Variants in SHTN1 observed in about 807,000 individuals in gnomAD.
SHTN1 encodes shootin-1.
A neutral mutation model predicts 83.1 loss-of-function variants in SHTN1; 42 were observed. The observed-to-expected ratio is 0.51, with a 90% CI of 0.39 to 0.65. SHTN1 has a LOEUF of 0.65. Among genes scored for constraint, SHTN1 ranks in the 30% least tolerant of loss-of-function variants. The pLI, the probability that SHTN1 is intolerant of heterozygous loss-of-function variation, is 0.00. For synonymous variants in SHTN1, 224 were observed against 247.7 expected (o/e 0.90, Z 0.90); for missense variants, 622 against 737.8 (o/e 0.84, Z 1.82).
rs1033579484 is a variant in SHTN1, at chr10:117,098,361, C to A, written c.-189+27946G>T. Among the ~76,000 whole-genome samples the A allele has an allele frequency of 1.8e-4, 27 of 146,054 alleles. No homozygotes were observed. In the Admixed American group the frequency reaches 1.9e-3, roughly 10 times the overall value. ...GCAGTGCGCCGACATCGCGCCACTGCCCTCCAGCCTGGGCGACCGAGGGAC... is the reference window on the plus strand; with the variant it reads ...GCAGTGCGCCGACATCGCGCCACTGACCTCCAGCCTGGGCGACCGAGGGAC... On this transcript the variant is annotated intron_variant, in intron 1 of 17. Coordinates refer to the SHTN1 transcript ENST00000392901.
intron 15 of SHTN1, among the ~76,000 whole-genome samples, chr10:116,902,956 T>C (rs899727119): frequency 9.2e-5 from 14 of 152,314 alleles, no homozygotes; most frequent in Non-Finnish European, 1.5e-4. Context: ...AATGCTATTC[T>C]TCCATTTGGA....
Position 116,910,715 on chromosome 10 carries a change from T to C in SHTN1, c.1359+1075A>G, listed in dbSNP as rs145806593. 3.7e-3 allele frequency among the ~76,000 whole-genome samples: 568 copies of C among 152,334 alleles called. 4 individuals are homozygous for C. Among genetic ancestry groups the C allele is most frequent in the African/African-American group, 0.013 (536 of 41,580 alleles). ...ACAAACACAACAAAAGAGACTGTCA[T>C]AGGGAGTTCTCCTTAATAGAACACT... On this transcript the variant is annotated intron_variant, in intron 14 of 16. Coordinates refer to ENST00000355371, the MANE Select transcript of SHTN1 (RefSeq NM_001127211.3).
In SHTN1 at chr10:116,881,505, C is replaced by A; in HGVS notation, c.*4839G>T. ...GATTAGACAGTAAACTTTATTGTTACTTTAAATAGGTTTCAAAGAAGAACA... is the reference window on the plus strand; with the variant it reads ...GATTAGACAGTAAACTTTATTGTTAATTTAAATAGGTTTCAAAGAAGAACA... On this transcript the variant is annotated 3_prime_UTR_variant, in exon 17 of 17. Transcript: ENST00000355371. 1.3e-6 allele frequency: 2 copies of A among 1,531,094 alleles called. No individual in the cohort carries two copies. Among genetic ancestry groups the A allele is most frequent in the Non-Finnish European group, 1.8e-6 (2 of 1,139,242 alleles). 94.8% of individuals were successfully genotyped at this position (1,531,094 alleles called of 1,614,324 possible).
intron 5 of SHTN1, among the ~76,000 whole-genome samples, 165 bp from the exon 6 acceptor site, chr10:116,952,171 C>T (rs1362198513): frequency 2.0e-5 from 3 of 152,110 alleles, no homozygotes; most frequent in Admixed American, 1.3e-4. Flanking sequence ...ATCTCATTTG[C>T]GTGGCCCTCC....
chr10:116,900,014 G>A (rs1847674974), intron 16 of SHTN1, among the ~76,000 whole-genome samples: 1 of 152,220 alleles, frequency 6.6e-6, no homozygotes, highest in Non-Finnish European at 1.5e-5. Context: ...AATGAATGAA[G>A]TGTGCCAGTC....
intron 1 of SHTN1, among the ~76,000 whole-genome samples, chr10:116,995,628 T>A (rs2133525204): frequency 6.6e-6 from 1 of 152,310 alleles, no homozygotes; most frequent in African/African-American, 2.4e-5. Flanking sequence ...GGCATTTGCA[T>A]AAGTTCAGGA....
chr10:116,895,728 T>C (rs1324474079), intron 16 of SHTN1, among the ~76,000 whole-genome samples: 3 of 152,198 alleles, frequency 2.0e-5, no homozygotes, highest in East Asian at 1.9e-4. Flanking sequence ...CAGTACACCA[T>C]AGTTCAAAAA....
rs539885908 is a variant in SHTN1 at position 116,903,482 on chromosome 10, G to C, written c.1481-1525C>G. Among the ~76,000 whole-genome samples the C allele has an allele frequency of 1.4e-4, 21 of 151,854 alleles. 1 individual carries two copies. The South Asian group carries it at 4.4e-3, about 32-fold the overall frequency. Reference sequence around the variant, plus strand: ...AGAGGTTGCAGTGAGCCGAGATCACGCCACTGCACTCCAGCCTGGGCGACA... The same window carrying C: ...AGAGGTTGCAGTGAGCCGAGATCACCCCACTGCACTCCAGCCTGGGCGACA... On this transcript the variant is annotated intron_variant, in intron 15 of 16. Transcript: ENST00000355371.
At chr10:116,974,257 C>G in intron 2 of SHTN1, 1 of 435,162 alleles carries the variant, frequency 2.3e-6, no homozygotes, top group Non-Finnish European at 3.1e-6. Flanking sequence ...TTTTCACTTT[C>G]AAACTGCTAA....
intron 2 of SHTN1, among the ~76,000 whole-genome samples, chr10:116,971,990 T>C (rs901987024): frequency 3.3e-5 from 5 of 152,226 alleles, no homozygotes; most frequent in East Asian, 1.9e-4. Context: ...AGGCCACCAG[T>C]TGACATCATA....
At chr10:117,005,997 T>C (rs925796048), upstream of SHTN1, among the ~76,000 whole-genome samples, 1 of 152,204 alleles carries the variant, frequency 6.6e-6, no homozygotes, top group African/African-American at 2.4e-5. Flanking sequence ...CTCTGAACTA[T>C]TTGAACTCAT....
At chr10:117,071,360 TGATTA>T (rs1853078955) in intron 1 of SHTN1, among the ~76,000 whole-genome samples, 1 of 152,096 alleles carries the variant, frequency 6.6e-6, no homozygotes, top group South Asian at 2.1e-4. Flanking sequence ...CTATAAATGG[TGATTA>T]GATAGTGAAG....
Position 116,921,475 on chromosome 10 carries a change from C to A in SHTN1, c.1154G>T (p.Gly385Val), listed in dbSNP as rs1417354452. The change falls in exon 12 of 17, where the codon GGC becomes GTC. Residue 385 changes from glycine (G) to valine (V), a missense_variant. By Grantham distance (109) the Gly-to-Val change is moderately radical. Transcript: ENST00000355371. Reference sequence around the variant, plus strand: ...TGCCTTTTCTTTCTTAGCACCACTGCCACTGGGGTGGGATCGTTTCCGGAT... The same window carrying A: ...TGCCTTTTCTTTCTTAGCACCACTGACACTGGGGTGGGATCGTTTCCGGAT... ...SMIRKRSHPSGSGAKKEKATQ... is the reference protein window; with the variant it reads ...SMIRKRSHPSVSGAKKEKATQ... 16 of 1,613,706 alleles carry A rather than the reference C, an allele frequency of 9.9e-6. No individual in the cohort carries two copies. The highest frequency in any genetic ancestry group is 1.3e-5 in the Non-Finnish European group (15 of 1,179,846).
At chr10:116,921,768 C>T (rs929190709) in intron 11 of SHTN1, among the ~76,000 whole-genome samples, 1 of 151,804 alleles carries the variant, frequency 6.6e-6, no homozygotes, top group Non-Finnish European at 1.5e-5. Flanking sequence ...TACACACTTA[C>T]AAAGGAAAAG....
At chr10:116,948,861 T>C in intron 7 of SHTN1, 55 bp downstream of exon 7, 2 of 1,243,216 alleles carry the variant, frequency 1.6e-6, no homozygotes, top group Non-Finnish European at 2.2e-6. Flanking sequence ...ACACAATATA[T>C]GCAAACAGAA....
Position 117,064,654 on chromosome 10 carries a change from C to CAA in SHTN1, c.-188-16146_-188-16145dup, listed in dbSNP as rs11376208. On this transcript the variant is annotated intron_variant, in intron 1 of 17. Transcript: ENST00000392901. ...CGGGCAACAGTGTGAGACTTTGTCT[C>CAA]AAAAAAAAAAAAAAAGAAATGTACT... is the stretch of plus-strand genomic sequence containing the variant. Among the ~76,000 whole-genome samples the CAA allele has an allele frequency of 7.9e-3, 1,076 of 136,378 alleles. 5 individuals are homozygous for CAA. The highest frequency in any genetic ancestry group is 0.022 in the South Asian group (92 of 4,222). The allele number at this position is 136,378 out of a possible 152,430, so 89.5% of individuals were successfully genotyped here.
At chr10:117,122,657 G>C (rs1024780845) in intron 1 of SHTN1, among the ~76,000 whole-genome samples, 1 of 152,080 alleles carries the variant, frequency 6.6e-6, no homozygotes, top group South Asian at 2.1e-4. Context: ...TGAAATCCTA[G>C]GGACCCAAAT....
chr10:117,047,186 T>G (rs1402546600), intron 2 of SHTN1, among the ~76,000 whole-genome samples: 1 of 152,100 alleles, frequency 6.6e-6, no homozygotes, highest in East Asian at 1.9e-4. Flanking sequence ...TACTTTAGCT[T>G]CCTGAGTAGC....
At chr10:116,983,038 G>C (rs1287081248) in intron 1 of SHTN1, among the ~76,000 whole-genome samples, 4 of 151,836 alleles carry the variant, frequency 2.6e-5, no homozygotes, top group African/African-American at 7.3e-5. Flanking sequence ...AGCTCGAGAA[G>C]ACTTCATCTC....
Sources: allele counts gnomAD v4.1 joint callset (sites outside exome capture counted in the v4.1 genomes callset), GRCh38; gene constraint gnomAD v4.1.1; transcripts MANE v1.5; gene names NCBI Gene and HGNC (gene_info 2026-07-23, HGNC 2026-07-21).